PRIM2: variants seen among roughly 807,000 people sequenced by gnomAD.
PRIM2 encodes the protein DNA primase large subunit.
PRIM2 carries 39 observed loss-of-function variants against 67.3 expected under a neutral mutation model. The observed-to-expected ratio is 0.58, with a 90% CI of 0.45 to 0.76. The LOEUF (loss-of-function observed/expected upper bound fraction) is 0.76. PRIM2 is among the 30% of genes least tolerant of loss of function. The pLI is 0.00. For synonymous variants in PRIM2, 143 were observed against 198.7 expected, an observed-to-expected ratio of 0.72 and a Z score of 2.36; for missense variants, 398 against 598.7, an observed-to-expected ratio of 0.66 and a Z score of 3.50.
At chr6:57,530,559 A>C (rs1438436524) in intron 8 of PRIM2, among the ~76,000 whole-genome samples, 2 of 152,124 alleles carry the variant, frequency 1.3e-5, no homozygotes, top group East Asian at 3.8e-4. Flanking sequence ...CTTCTTCTTA[A>C]ATTGCCTTCA....
chr6:57,338,534 G>A (rs1242725281), intron 5 of PRIM2, among the ~76,000 whole-genome samples: 1 of 150,354 alleles, frequency 6.7e-6, no homozygotes, highest in Non-Finnish European at 1.5e-5. Context: ...TTCATCCCTG[G>A]GATGCAAGGC....
intron 4 of PRIM2, among the ~76,000 whole-genome samples, chr6:57,325,585 C>T (rs568522214): frequency 1.2e-4 from 19 of 152,288 alleles, no homozygotes; most frequent in East Asian, 5.8e-4. Flanking sequence ...TGAACCACGA[C>T]GCCCAGCCCC....
At chr6:57,319,657 C>T (rs1349644167) in intron 2 of PRIM2, among the ~76,000 whole-genome samples, 1 of 152,046 alleles carries the variant, frequency 6.6e-6, no homozygotes, top group African/African-American at 2.4e-5. Flanking sequence ...TTAAGGGATA[C>T]TGAGGAGTTA....
At chr6:57,309,851 T>C (rs889429471), upstream of PRIM2, among the ~76,000 whole-genome samples, 1 of 152,212 alleles carries the variant, frequency 6.6e-6, no homozygotes, top group Non-Finnish European at 1.5e-5. Context: ...TTTTAATGAT[T>C]GCCATTCTAA....
intron 8 of PRIM2, among the ~76,000 whole-genome samples, chr6:57,508,182 C>T (rs1480630405): frequency 1.3e-5 from 2 of 152,202 alleles, no homozygotes; most frequent in Non-Finnish European, 2.9e-5. Context: ...GGTGATCCAC[C>T]TGCCTCAGCC....
chr6:57,317,200 G>T (rs1206087863), upstream of PRIM2, among the ~76,000 whole-genome samples: 1 of 152,134 alleles, frequency 6.6e-6, no homozygotes, highest in African/African-American at 2.4e-5. Flanking sequence ...AGTGAGCTAG[G>T]TGCAAAAAAG....
At chr6:57,445,578 C>T (rs1772339665) in intron 7 of PRIM2, among the ~76,000 whole-genome samples, 1 of 152,170 alleles carries the variant, frequency 6.6e-6, no homozygotes, top group African/African-American at 2.4e-5. Context: ...ACACCCCCAA[C>T]CCTTTCTCAC....
chr6:57,343,131 A>T (rs1408689561), intron 5 of PRIM2, among the ~76,000 whole-genome samples: 1 of 152,168 alleles, frequency 6.6e-6, no homozygotes, highest in Non-Finnish European at 1.5e-5. Flanking sequence ...GGTGTATTGA[A>T]TTTTAAAATA....
At chr6:57,303,329 A>T in the PRIM2 span, among the ~76,000 whole-genome samples, 11 of 152,294 alleles carry the variant, frequency 7.2e-5, no homozygotes, top group Middle Eastern at 3.4e-3. Context: ...ATAGATTATC[A>T]TGTGAATCAC....
At chr6:57,286,295 G>C in the PRIM2 span, among the ~76,000 whole-genome samples, 2 of 152,112 alleles carry the variant, frequency 1.3e-5, no homozygotes, top group African/African-American at 4.8e-5. Context: ...AGCCCGTATA[G>C]CCAAGACAAT....
At chr6:57,318,621 ATG>A in intron 2 of PRIM2, 22 bp downstream of exon 2, 3 of 1,518,418 alleles carry the variant, frequency 2.0e-6, no homozygotes, top group Non-Finnish European at 2.7e-6. Context: ...TTAAATTAGA[ATG>A]TATATATTCT....
At position 57,628,192 on chromosome 6, in the gene PRIM2, C is replaced by A. The variant is rs1368653716; in HGVS notation, c.1231-3941C>A. Among the ~76,000 whole-genome samples, 23 of 152,270 alleles carry A rather than the reference C, an allele frequency of 1.5e-4. No individual in the cohort carries two copies. The East Asian group carries it at 4.3e-3, about 28-fold the overall frequency. ...TTACTTATCCCATTTCTCTGGCTTTCCACATTTTTCTTCCTATTCTTGTTT... is the reference window on the plus strand; with the variant it reads ...TTACTTATCCCATTTCTCTGGCTTTACACATTTTTCTTCCTATTCTTGTTT... On this transcript the variant is annotated intron_variant, in intron 12 of 13. Transcript: ENST00000615550.
chr6:57,547,282 AG>A (rs1235398587), intron 10 of PRIM2, among the ~76,000 whole-genome samples: 9 of 152,074 alleles, frequency 5.9e-5, no homozygotes, highest in Non-Finnish European at 1.2e-4. Flanking sequence ...TTTTAGATAT[AG>A]GGGGTACATG....
chr6:57,276,564 A>G, the PRIM2 span, among the ~76,000 whole-genome samples: 1 of 152,048 alleles, frequency 6.6e-6, no homozygotes, highest in Non-Finnish European at 1.5e-5. Context: ...AAAGACATAT[A>G]TAGGAGCTTC....
chr6:57,578,671 TTTTTG>T lies in PRIM2; in HGVS notation c.1021-22417_1021-22413del, dbSNP rs1381765541. Among the ~76,000 whole-genome samples the T allele has an allele frequency of 5.0e-3, 518 of 103,572 alleles. 2 individuals are homozygous for T. The highest frequency in any genetic ancestry group is 7.2e-3 in the Non-Finnish European group (422 of 58,646). The allele number at this position is 103,572 out of a possible 152,430, so 67.9% of individuals were successfully genotyped here. A position where few individuals can be genotyped will look rare whatever the true frequency, so the allele number is the denominator to read the frequency against. On this transcript the variant is annotated intron_variant, in intron 10 of 13. Transcript: ENST00000615550. Reference sequence around the variant, plus strand: ...TGACACACCTCCTTCCTTCTTTTGTTTTTTGTTTTTTTTTTTTTTTTTTGAGACGG... The same window carrying T: ...TGACACACCTCCTTCCTTCTTTTGTTTTTTTTTTTTTTTTTTTTGAGACGG...
the PRIM2 span, among the ~76,000 whole-genome samples, chr6:57,225,263 C>T: frequency 1.9e-4 from 29 of 152,310 alleles, 1 homozygote; most frequent in African/African-American, 6.7e-4. Flanking sequence ...ATTTAATTTG[C>T]AGGCTTCTGC....
Position 57,417,525 on chromosome 6 carries a change from C to T in PRIM2, c.693+35357C>T, listed in dbSNP as rs558012532. Among the ~76,000 whole-genome samples, 191 of 152,184 alleles carry T rather than the reference C, an allele frequency of 1.3e-3. 5 individuals are homozygous for T. The East Asian group carries it at 0.016, about 13-fold the overall frequency. ...TACTAATTTCAATATTATTGTTTCTCAGAGAATAGGGAAGCTCTAAGGAGA... is the reference window on the plus strand; with the variant it reads ...TACTAATTTCAATATTATTGTTTCTTAGAGAATAGGGAAGCTCTAAGGAGA... On this transcript the variant is annotated intron_variant, in intron 7 of 13. Transcript: ENST00000615550.
chr6:57,540,961 G>A (rs1194421406), intron 10 of PRIM2, among the ~76,000 whole-genome samples: 5 of 152,310 alleles, frequency 3.3e-5, no homozygotes, highest in African/African-American at 1.2e-4. Context: ...ATCTCTCACA[G>A]TTCTCGGGTA....
intron 8 of PRIM2, among the ~76,000 whole-genome samples, chr6:57,520,210 A>G (rs1306345091): frequency 1.3e-5 from 2 of 152,202 alleles, no homozygotes; most frequent in Non-Finnish European, 2.9e-5. Context: ...TTGGGGAACA[A>G]ATGTGAGGGG....
Sources: gnomAD v4.1 joint callset for allele counts (sites outside exome capture counted in the v4.1 genomes callset) on GRCh38, gnomAD v4.1.1 for gene constraint, MANE v1.5 for transcripts, NCBI Gene and HGNC (gene_info 2026-07-23, HGNC 2026-07-21) for gene names.